Variants in FBXO4 observed in about 807,000 individuals in gnomAD.
The protein encoded by FBXO4 is F-box only protein 4.
FBXO4 carries 36 observed loss-of-function variants against 43.7 expected under a neutral mutation model. That is an observed-to-expected ratio of 0.82 (90% CI 0.63 to 1.09). The LOEUF (loss-of-function observed/expected upper bound fraction) is 1.09, where lower values mean the gene tolerates loss of function less well. FBXO4 is among the 50% of genes least tolerant of loss of function. The pLI is 0.00. For synonymous variants in FBXO4, 180 were observed against 165.6 expected (o/e 1.09, Z -0.67); for missense variants, 435 against 474.1 (o/e 0.92, Z 0.77).
intron 5 of FBXO4, among the ~76,000 whole-genome samples, chr5:41,935,481 G>T (rs1751826304): frequency 6.6e-6 from 1 of 152,190 alleles, no homozygotes; most frequent in Admixed American, 6.5e-5. Context: ...CTGTCTCAAG[G>T]GAGATAGAAA....
At chr5:42,030,103 A>C in the FBXO4 span, among the ~76,000 whole-genome samples, 2,409 of 152,054 alleles carry the variant, frequency 0.016, 119 homozygotes, top group East Asian at 0.1. Flanking sequence ...TTGGAAAAAA[A>C]TACTTTAAAG....
At chr5:41,927,936 A>G (rs532694633) in intron 2 of FBXO4, among the ~76,000 whole-genome samples, 2 of 152,330 alleles carry the variant, frequency 1.3e-5, no homozygotes, top group South Asian at 2.1e-4. Context: ...ATCTGGATAT[A>G]GCTTGTTTTT....
the FBXO4 span, among the ~76,000 whole-genome samples, chr5:41,988,220 A>C: frequency 1.3e-5 from 2 of 152,062 alleles, no homozygotes; most frequent in African/African-American, 4.8e-5. Flanking sequence ...TCATTCCCCA[A>C]CCACTTTGTG....
At chr5:41,983,381 A>T in the FBXO4 span, among the ~76,000 whole-genome samples, 1 of 152,164 alleles carries the variant, frequency 6.6e-6, no homozygotes, top group African/African-American at 2.4e-5. Flanking sequence ...CACTTCTAAT[A>T]CTGTCAACTT....
At chr5:42,033,320 C>G in the FBXO4 span, among the ~76,000 whole-genome samples, 2 of 152,088 alleles carry the variant, frequency 1.3e-5, no homozygotes, top group Non-Finnish European at 2.9e-5. Context: ...GTCTTTATGG[C>G]CTAGACTGCT....
At chr5:42,006,478 G>T in the FBXO4 span, among the ~76,000 whole-genome samples, 1 of 151,978 alleles carries the variant, frequency 6.6e-6, no homozygotes, top group Non-Finnish European at 1.5e-5. Context: ...AACATACTAT[G>T]ATCTAAACAC....
chr5:42,025,873 C>T, the FBXO4 span, among the ~76,000 whole-genome samples: 1 of 151,520 alleles, frequency 6.6e-6, no homozygotes, highest in Non-Finnish European at 1.5e-5. Context: ...TTATTTCTGG[C>T]TTCTCTTTTC....
At chr5:41,993,049 G>T in the FBXO4 span, among the ~76,000 whole-genome samples, 1 of 152,096 alleles carries the variant, frequency 6.6e-6, no homozygotes, top group Non-Finnish European at 1.5e-5. Flanking sequence ...AAAACATATT[G>T]TAAACCCTTT....
chr5:41,973,280 A>G, the FBXO4 span, among the ~76,000 whole-genome samples: 1 of 152,346 alleles, frequency 6.6e-6, no homozygotes, highest in East Asian at 1.9e-4. Flanking sequence ...ACACTTCTCA[A>G]AAGACAACAT....
At chr5:41,973,958 A>G in the FBXO4 span, among the ~76,000 whole-genome samples, 1 of 152,156 alleles carries the variant, frequency 6.6e-6, no homozygotes, top group African/African-American at 2.4e-5. Context: ...TTATTTTAGA[A>G]AGTCTTTATT....
At chr5:41,942,777 C>G (rs966285287), downstream of FBXO4, among the ~76,000 whole-genome samples, 4 of 152,064 alleles carry the variant, frequency 2.6e-5, no homozygotes, top group Admixed American at 1.3e-4. Flanking sequence ...GTTCTCCCCA[C>G]TCTATTTGCA....
At chr5:41,951,362 C>A in the FBXO4 span, 1 of 233,102 alleles carries the variant, frequency 4.3e-6, no homozygotes, top group Non-Finnish European at 8.3e-6. Context: ...AGTGGGAGGG[C>A]AAACCAGCCT....
the FBXO4 span, among the ~76,000 whole-genome samples, chr5:42,010,113 A>G: frequency 2.6e-5 from 4 of 152,180 alleles, no homozygotes; most frequent in Non-Finnish European, 2.9e-5. Context: ...CATTAGGTAA[A>G]TAGAATCATA....
the FBXO4 span, among the ~76,000 whole-genome samples, chr5:42,007,890 G>T: frequency 1.2e-4 from 18 of 152,060 alleles, no homozygotes; most frequent in Non-Finnish European, 2.5e-4. Context: ...CATAGGAAAA[G>T]ATCTACTCAA....
the FBXO4 span, among the ~76,000 whole-genome samples, chr5:41,996,751 A>G: frequency 8.0e-5 from 12 of 150,142 alleles, no homozygotes; most frequent in Non-Finnish European, 1.5e-5. Context: ...GGGAGGCCAC[A>G]TGCAGCAACT....
chr5:41,993,805 T>C, the FBXO4 span, among the ~76,000 whole-genome samples: 3 of 151,998 alleles, frequency 2.0e-5, no homozygotes, highest in Non-Finnish European at 4.4e-5. Flanking sequence ...GCAAGAAGCA[T>C]CTAGCATGGG....
At chr5:42,039,375 C>A in the FBXO4 span, among the ~76,000 whole-genome samples, 1 of 152,010 alleles carries the variant, frequency 6.6e-6, no homozygotes, top group African/African-American at 2.4e-5. Flanking sequence ...AATCGGGCAA[C>A]CTGTTCCCAC....
the FBXO4 span, among the ~76,000 whole-genome samples, chr5:41,953,103 G>C: frequency 6.6e-6 from 1 of 151,468 alleles, no homozygotes; most frequent in Non-Finnish European, 1.5e-5. Context: ...CCATTAACTC[G>C]TCATTTAGCA....
chr5:41,953,582 A>G, the FBXO4 span, among the ~76,000 whole-genome samples: 1 of 150,506 alleles, frequency 6.6e-6, no homozygotes, highest in Non-Finnish European at 1.5e-5. Flanking sequence ...ACTGACTTCC[A>G]CAATGGTTGA....
Sources: allele counts gnomAD v4.1 joint callset (sites outside exome capture counted in the v4.1 genomes callset), GRCh38; gene constraint gnomAD v4.1.1; transcripts MANE v1.5; gene names NCBI Gene and HGNC (gene_info 2026-07-23, HGNC 2026-07-21).